The following SAMD5 variants were observed in gnomAD, a reference collection of about 807,000 sequenced individuals.
SAMD5 encodes sterile alpha motif domain-containing protein 5.
A neutral mutation model predicts 11.3 loss-of-function variants in SAMD5; 13 were observed. The ratio of observed to expected loss-of-function variants is 1.15; its 90% CI spans 0.75 to 1.83. The LOEUF (loss-of-function observed/expected upper bound fraction) is 1.83, where lower values mean the gene tolerates loss of function less well. Among genes scored for constraint, SAMD5 ranks in the 40% most tolerant of loss-of-function variants. The probability of loss-of-function intolerance (pLI) is 0.00; values close to 1 mark genes in which losing one functional copy is unlikely to be tolerated. For synonymous variants in SAMD5, 129 were observed against 111.3 expected, an observed-to-expected ratio of 1.16 and a Z score of -1.00; for missense variants, 255 against 239.1, an observed-to-expected ratio of 1.07 and a Z score of -0.44.
chr6:147,768,508 A>AAAC, the SAMD5 span, among the ~76,000 whole-genome samples: 733 of 152,256 alleles, frequency 4.8e-3, 17 homozygotes, highest in East Asian at 0.073. Flanking sequence ...AAACAAAACA[A>AAAC]AACAACAACA....
At chr6:147,616,977 G>A (rs1212911383) in intron 1 of SAMD5, among the ~76,000 whole-genome samples, 1 of 152,186 alleles carries the variant, frequency 6.6e-6, no homozygotes. Flanking sequence ...CGAGATTTGG[G>A]TGGGGACACA....
the SAMD5 span, among the ~76,000 whole-genome samples, chr6:147,811,127 T>TAGTA: frequency 6.6e-6 from 1 of 152,190 alleles, no homozygotes; most frequent in South Asian, 2.1e-4. Flanking sequence ...GTTCGGCATA[T>TAGTA]AGTAAGTACT....
the SAMD5 span, among the ~76,000 whole-genome samples, chr6:147,885,210 G>A: frequency 6.6e-6 from 1 of 152,104 alleles, no homozygotes; most frequent in African/African-American, 2.4e-5. Context: ...TGTAATCCCA[G>A]CACTTTGGGA....
chr6:147,582,525 C>T (rs185174141), intron 1 of SAMD5, among the ~76,000 whole-genome samples: 14 of 152,268 alleles, frequency 9.2e-5, no homozygotes, highest in African/African-American at 3.4e-4. Context: ...AAAAGCATCC[C>T]AGTCCAAGTG....
At chr6:147,796,753 T>C in the SAMD5 span, among the ~76,000 whole-genome samples, 1 of 151,918 alleles carries the variant, frequency 6.6e-6, no homozygotes, top group Non-Finnish European at 1.5e-5. Flanking sequence ...TGAGCAGTGG[T>C]TTGTAGTTCT....
chr6:147,612,874 T>C (rs1397930516), intron 1 of SAMD5, among the ~76,000 whole-genome samples: 2 of 152,166 alleles, frequency 1.3e-5, no homozygotes, highest in Non-Finnish European at 2.9e-5. Flanking sequence ...TGTTTTCTCC[T>C]TCCTGAAGTT....
At chr6:147,753,042 T>G in the SAMD5 span, among the ~76,000 whole-genome samples, 3 of 152,238 alleles carry the variant, frequency 2.0e-5, no homozygotes, top group African/African-American at 7.2e-5. Context: ...AATGTGATGC[T>G]TGTTTCATAT....
At chr6:147,765,820 A>G in the SAMD5 span, among the ~76,000 whole-genome samples, 1 of 152,190 alleles carries the variant, frequency 6.6e-6, no homozygotes, top group African/African-American at 2.4e-5. Flanking sequence ...AGAGAAATGT[A>G]GAGACACCAG....
At chr6:147,648,905 T>G (rs1308426249) in intron 1 of SAMD5, among the ~76,000 whole-genome samples, 1 of 152,240 alleles carries the variant, frequency 6.6e-6, no homozygotes, top group East Asian at 1.9e-4. Context: ...TAGAAAACAT[T>G]ATTTTTCTTC....
chr6:147,801,991 T>C, the SAMD5 span, among the ~76,000 whole-genome samples: 1 of 152,214 alleles, frequency 6.6e-6, no homozygotes. Context: ...ACTATGTTCA[T>C]GACCTTGGGA....
intron 1 of SAMD5, among the ~76,000 whole-genome samples, chr6:147,701,652 C>CAAAA (rs35003792): frequency 2.9e-5 from 4 of 136,900 alleles, no homozygotes; most frequent in Non-Finnish European, 4.7e-5. Flanking sequence ...TAGTCTGTCT[C>CAAAA]AAAAAAAAAA....
At chr6:147,564,251 T>C in intron 1 of SAMD5, 143 bp from the exon 2 acceptor site, 1 of 594,700 alleles carries the variant, frequency 1.7e-6, no homozygotes, top group Non-Finnish European at 3.1e-6. Flanking sequence ...AAGCAAAAAC[T>C]CTTAGGGCTG....
At chr6:147,619,347 A>G (rs1040019515) in intron 1 of SAMD5, among the ~76,000 whole-genome samples, 1 of 152,236 alleles carries the variant, frequency 6.6e-6, no homozygotes, top group Non-Finnish European at 1.5e-5. Flanking sequence ...TGGGTTATTT[A>G]CTTTTCATAT....
chr6:147,815,130 T>C, the SAMD5 span, among the ~76,000 whole-genome samples: 2 of 152,150 alleles, frequency 1.3e-5, no homozygotes, highest in Non-Finnish European at 2.9e-5. Context: ...AGTAAGGCAG[T>C]AAAGCAAGAC....
downstream of SAMD5, among the ~76,000 whole-genome samples, chr6:147,738,273 G>A (rs1363901971): frequency 1.3e-5 from 2 of 152,132 alleles, no homozygotes; most frequent in Non-Finnish European, 2.9e-5. Context: ...CTGTTGGGTT[G>A]GTGTCATCCT....
chr6:147,707,845 T>C (rs1180061415), intron 1 of SAMD5, among the ~76,000 whole-genome samples: 2 of 152,144 alleles, frequency 1.3e-5, no homozygotes, highest in African/African-American at 2.4e-5. Flanking sequence ...TCATCAGTAA[T>C]ACCACTGATG....
At chr6:147,704,457 T>A (rs1791298242) in intron 1 of SAMD5, among the ~76,000 whole-genome samples, 1 of 152,084 alleles carries the variant, frequency 6.6e-6, no homozygotes, top group Non-Finnish European at 1.5e-5. Context: ...TAGAAACTGA[T>A]GCAAAATAGA....
At chr6:147,816,712 A>G in the SAMD5 span, among the ~76,000 whole-genome samples, 36 of 152,306 alleles carry the variant, frequency 2.4e-4, no homozygotes, top group African/African-American at 8.4e-4. Flanking sequence ...TAACGAATTG[A>G]AAGAAGTCCT....
chr6:147,861,203 C>CA, the SAMD5 span, among the ~76,000 whole-genome samples: 8 of 151,598 alleles, frequency 5.3e-5, no homozygotes, highest in African/African-American at 1.9e-4. Context: ...CTCACTCTGT[C>CA]ACTCAGGCTG....
Sources: gnomAD v4.1 joint callset for allele counts (sites outside exome capture counted in the v4.1 genomes callset) on GRCh38, gnomAD v4.1.1 for gene constraint, MANE v1.5 for transcripts, NCBI Gene and HGNC (gene_info 2026-07-23, HGNC 2026-07-21) for gene names.